Variants in CEMIP observed in about 807,000 individuals in gnomAD.
CEMIP encodes the protein cell migration-inducing and hyaluronan-binding protein.
CEMIP carries 105 observed loss-of-function variants against 156.9 expected under a neutral mutation model. The ratio of observed to expected loss-of-function variants is 0.67; its 90% CI spans 0.57 to 0.79. CEMIP has a LOEUF of 0.79. CEMIP is among the 30% of genes least tolerant of loss of function. The pLI, the probability that CEMIP is intolerant of heterozygous loss-of-function variation, is 0.00. For synonymous variants in CEMIP, 676 were observed against 668.4 expected (o/e 1.01, Z -0.17); for missense variants, 1,457 against 1,769.4 (o/e 0.82, Z 3.17).
chr15:80,899,907 A>C (rs533294941), intron 12 of CEMIP, among the ~76,000 whole-genome samples: 2 of 152,208 alleles, frequency 1.3e-5, no homozygotes, highest in African/African-American at 4.8e-5. Context: ...TCTTGGCAGG[A>C]GTGGCATTCA....
intron 14 of CEMIP, among the ~76,000 whole-genome samples, chr15:80,917,915 G>C (rs533636738): frequency 1.1e-4 from 16 of 152,334 alleles, no homozygotes; most frequent in African/African-American, 3.6e-4. Flanking sequence ...CTGGGATATG[G>C]AGTGTGGTCT....
At chr15:80,933,735 C>A (rs554706811) in intron 23 of CEMIP, among the ~76,000 whole-genome samples, 6 of 152,322 alleles carry the variant, frequency 3.9e-5, no homozygotes, top group African/African-American at 1.2e-4. Context: ...TACCATTGGA[C>A]CTTGGGCAAA....
At chr15:80,788,471 CAAA>C (rs11320710) in intron 1 of CEMIP, among the ~76,000 whole-genome samples, 3 of 79,310 alleles carry the variant, frequency 3.8e-5, no homozygotes, top group African/African-American at 7.1e-5. Context: ...AACTCCATCT[CAAA>C]AAAAAAAAAA....
At chr15:80,827,431 C>A (rs969636757) in intron 1 of CEMIP, among the ~76,000 whole-genome samples, 1 of 151,960 alleles carries the variant, frequency 6.6e-6, no homozygotes, top group African/African-American at 2.4e-5. Flanking sequence ...CCAGCCTGGC[C>A]AACATGGTGA....
chr15:80,845,525 C>T (rs12591074), intron 1 of CEMIP, among the ~76,000 whole-genome samples: 32,347 of 152,114 alleles, frequency 0.21, 3,847 homozygotes, highest in East Asian at 0.49. Context: ...AAAAACCTGT[C>T]AGTGGAGCCT....
chr15:80,921,571 G>A (rs1418673717), intron 16 of CEMIP, among the ~76,000 whole-genome samples: 4 of 152,112 alleles, frequency 2.6e-5, no homozygotes, highest in South Asian at 2.1e-4. Flanking sequence ...GTGGCAGCAC[G>A]GCACTCCATC....
At chr15:80,803,230 C>T (rs1398572595) in intron 1 of CEMIP, among the ~76,000 whole-genome samples, 1 of 152,184 alleles carries the variant, frequency 6.6e-6, no homozygotes, top group Non-Finnish European at 1.5e-5. Flanking sequence ...CTTGGGGCCA[C>T]AGGATGGCTG....
intron 10 of CEMIP, among the ~76,000 whole-genome samples, chr15:80,890,991 AT>A (rs1337332361): frequency 6.6e-6 from 1 of 152,334 alleles, no homozygotes; most frequent in African/African-American, 2.4e-5. Flanking sequence ...AAAAGCACTG[AT>A]CCCCCACAGC....
chr15:80,793,089 T>A (rs1896123448), intron 1 of CEMIP, among the ~76,000 whole-genome samples: 1 of 152,252 alleles, frequency 6.6e-6, no homozygotes, highest in Non-Finnish European at 1.5e-5. Flanking sequence ...CTCTGTGCCC[T>A]GGCTCAGAAT....
intron 1 of CEMIP, among the ~76,000 whole-genome samples, chr15:80,791,999 A>G (rs1310503905): frequency 6.6e-6 from 1 of 152,192 alleles, no homozygotes; most frequent in East Asian, 1.9e-4. Flanking sequence ...CGTAGTCCTC[A>G]TCTCTTCTCT....
chr15:80,923,884 C>T (rs568214311), intron 17 of CEMIP, among the ~76,000 whole-genome samples: 21 of 152,232 alleles, frequency 1.4e-4, no homozygotes, highest in African/African-American at 4.3e-4. Flanking sequence ...AGTAGAGCTG[C>T]GAGTCAACCC....
rs150714207 is a variant in CEMIP, at chr15:80,940,093, A to G, written c.3408-1756A>G. Among the ~76,000 whole-genome samples, 197 of 152,360 alleles carry G rather than the reference A, an allele frequency of 1.3e-3. 1 individual carries two copies. Among genetic ancestry groups the G allele is most frequent in the African/African-American group, 4.4e-3 (184 of 41,590 alleles). Reference sequence around the variant, plus strand: ...TATAATGATTCTTACTAAATTATAAACAAGTACATTATTTAAGGTGCACAG... The same window carrying G: ...TATAATGATTCTTACTAAATTATAAGCAAGTACATTATTTAAGGTGCACAG... On this transcript the variant is annotated intron_variant, in intron 25 of 29. Transcript: ENST00000394685.
chr15:80,916,860 G>A (rs185344637), intron 14 of CEMIP, among the ~76,000 whole-genome samples: 291 of 152,190 alleles, frequency 1.9e-3, no homozygotes, highest in Non-Finnish European at 3.7e-3. Flanking sequence ...GTGTGTCATC[G>A]TCACCCCACT....
chr15:80,780,783 A>G (rs1394952974), intron 1 of CEMIP, among the ~76,000 whole-genome samples: 1 of 152,138 alleles, frequency 6.6e-6, no homozygotes, highest in Non-Finnish European at 1.5e-5. Context: ...CGACGCCACC[A>G]TGGACAGCTC....
chr15:80,844,202 G>A (rs879312457), intron 1 of CEMIP, among the ~76,000 whole-genome samples: 4 of 152,354 alleles, frequency 2.6e-5, no homozygotes, highest in Admixed American at 6.5e-5. Flanking sequence ...GTCAGTGGGC[G>A]TGGAGCTCCT....
chr15:80,871,846 G>C (rs969046020), intron 1 of CEMIP, among the ~76,000 whole-genome samples: 2 of 152,134 alleles, frequency 1.3e-5, no homozygotes, highest in African/African-American at 4.8e-5. Flanking sequence ...TCCTCTTCTG[G>C]GGGCCATGGG....
chr15:80,811,248 C>T (rs1311625161), intron 1 of CEMIP, among the ~76,000 whole-genome samples: 1 of 152,202 alleles, frequency 6.6e-6, no homozygotes, highest in Non-Finnish European at 1.5e-5. Flanking sequence ...TAAACTGGCC[C>T]TTGGAGGATG....
At chr15:80,891,201 C>T (rs1391571829) in intron 10 of CEMIP, among the ~76,000 whole-genome samples, 1 of 152,226 alleles carries the variant, frequency 6.6e-6, no homozygotes, top group African/African-American at 2.4e-5. Context: ...CTGGTGTTTG[C>T]TCTGCCAGTT....
intron 5 of CEMIP, 146 bp from the exon 6 acceptor site, chr15:80,880,754 A>G: frequency 1.3e-6 from 1 of 774,906 alleles, no homozygotes; most frequent in South Asian, 1.4e-5. Context: ...ATTTTTACTG[A>G]CCTCAGGTGA....
Sources: gnomAD v4.1 joint callset for allele counts (sites outside exome capture counted in the v4.1 genomes callset) on GRCh38, gnomAD v4.1.1 for gene constraint, MANE v1.5 for transcripts, NCBI Gene and HGNC (gene_info 2026-07-23, HGNC 2026-07-21) for gene names.